The following UGT2B4 variants were observed in gnomAD, a reference collection of about 807,000 sequenced individuals.
The protein encoded by UGT2B4 is UDP glucuronosyltransferase family 2 member B4.
In UGT2B4, 49 loss-of-function variants were observed where a neutral mutation model predicts 49.8. That is an observed-to-expected ratio of 0.98 (90% CI 0.78 to 1.25). UGT2B4 has a LOEUF of 1.25. UGT2B4 is among the 50% of genes most tolerant of loss of function. The probability of loss-of-function intolerance (pLI) is 0.00; values close to 1 mark genes in which losing one functional copy is unlikely to be tolerated. For missense variants in UGT2B4, 729 were observed against 627.7 expected, an observed-to-expected ratio of 1.16 and a Z score of -1.73; for synonymous variants, 246 against 217.7, an observed-to-expected ratio of 1.13 and a Z score of -1.14.
upstream of UGT2B4, among the ~76,000 whole-genome samples, chr4:69,497,658 A>C (rs920688973): frequency 6.6e-6 from 1 of 152,220 alleles, no homozygotes; most frequent in African/African-American, 2.4e-5. Flanking sequence ...CTTCTTATGG[A>C]AGAGAAAAGA....
chr4:69,516,030 T>C lies in UGT2B4; in HGVS notation c.-106+9657A>G, dbSNP rs181797672. On this transcript the variant is annotated intron_variant, in intron 1 of 1. Coordinates refer to the UGT2B4 transcript ENST00000510114. ...CTCCTTCAGGTCCCAGTGTGTGTTG[T>C]TCCTTGTCATATGTCTGTGTCTTCT... Among the ~76,000 whole-genome samples, 386 of 152,292 alleles carry C rather than the reference T, an allele frequency of 2.5e-3. 1 individual carries two copies. Among genetic ancestry groups the C allele is most frequent in the African/African-American group, 8.9e-3 (371 of 41,568 alleles).
At chr4:69,500,593 GCAA>G (rs1468054018), upstream of UGT2B4, among the ~76,000 whole-genome samples, 6 of 126,440 alleles carry the variant, frequency 4.7e-5, no homozygotes, top group African/African-American at 1.7e-4. Context: ...AAGAAAGCAA[GCAA>G]GAAAGCAAGG....
intron 1 of UGT2B4, among the ~76,000 whole-genome samples, chr4:69,509,410 C>T (rs1401509811): frequency 1.3e-5 from 2 of 152,098 alleles, no homozygotes; most frequent in African/African-American, 4.8e-5. Flanking sequence ...AGAACCTCTA[C>T]ATTGCTTCCA....
chr4:69,495,786 C>G lies in UGT2B4; in HGVS notation c.76G>C (p.Val26Leu), dbSNP rs1325749885. The G allele has an allele frequency of 3.7e-6, 6 of 1,613,676 alleles. No individual in the cohort carries two copies. The highest frequency in any genetic ancestry group is 5.1e-6 in the Non-Finnish European group (6 of 1,179,874). The stretch of plus-strand genomic sequence containing the variant: ...CTGAATTCTGTGGGCCACACCAGCA[C>G]CTTTCCACAACTCCCAGAGCTAAAG... ...CYFSSGSCGK[V>L]LVWPTEFSHW... is the part of the protein sequence containing the mutation. Residue 26 changes from valine (V) to leucine (L), a missense_variant, in exon 1 of 6, where the codon GTG becomes CTG. Val to Leu is a conservative substitution (Grantham distance 32, BLOSUM62 1). Transcript: ENST00000305107.
chr4:69,480,581 TA>T lies in UGT2B4; in HGVS notation c.*52del. 6.4e-7 allele frequency: 1 copy of T among 1,563,360 alleles called. No homozygotes were observed. Among genetic ancestry groups the T allele is most frequent in the Non-Finnish European group, 8.7e-7 (1 of 1,154,770 alleles). ...GTATCACAACGTCTTCTTGTTGTAATAAACTAAAGGAGTTCATTTATTGGGT... is the reference window on the plus strand; with the variant it reads ...GTATCACAACGTCTTCTTGTTGTAATAACTAAAGGAGTTCATTTATTGGGT... On this transcript the variant is annotated 3_prime_UTR_variant, in exon 6 of 6. Transcript: ENST00000305107.
Position 69,495,538 on chromosome 4 carries a change from A to T in UGT2B4, c.324T>A (p.Tyr108Ter). The T allele has an allele frequency of 6.2e-7, 1 of 1,613,274 alleles. No individual in the cohort carries two copies. Reference sequence around the variant, plus strand: ...ACATGATTTCTTGTACTTGTGAAAAATATGACCAAAATGTGTCTTTTGGAA... The same window carrying T: ...ACATGATTTCTTGTACTTGTGAAAATTATGACCAAAATGTGTCTTTTGGAA... ...AELPKDTFWS[Y>*]FSQVQEIMWT... The change falls in exon 1 of 6, where the codon TAT (tyrosine) becomes TAA (stop). Residue 108 changes from tyrosine (Y) to a stop codon, truncating the protein, a stop_gained. Transcript: ENST00000305107. LOFTEE classifies it high-confidence loss of function.
At chr4:69,486,514 C>A in intron 4 of UGT2B4, 95 bp downstream of exon 4, 1 of 806,288 alleles carries the variant, frequency 1.2e-6, no homozygotes, top group Non-Finnish European at 1.8e-6. Context: ...TAAGTTTTTC[C>A]ATAACAAATG....
Position 69,495,475 on chromosome 4 carries a change from A to G in UGT2B4, c.387T>C (p.Asp129=), listed in dbSNP as rs923613366. Residue 129 remains aspartate (D), a synonymous_variant, in exon 1 of 6, where the codon GAT becomes GAC. Coordinates refer to ENST00000305107, the MANE Select transcript of UGT2B4 (RefSeq NM_021139.3). ...TCATAAGTTTCTTATTTGAAACTAT[A>G]TCCTTACAGAACTTTCTAAGTATGT... ...FNDILRKFCK[D]IVSNKKLMKK... 9 of 1,612,604 alleles carry G rather than the reference A, an allele frequency of 5.6e-6. No individual in the cohort carries two copies. Among genetic ancestry groups the G allele is most frequent in the African/African-American group, 2.7e-5 (2 of 74,932 alleles).
chr4:69,493,640 G>A, intron 2 of UGT2B4, 53 bp downstream of exon 2: 1 of 1,566,834 alleles, frequency 6.4e-7, no homozygotes, highest in Non-Finnish European at 8.6e-7. Context: ...AATGAATATA[G>A]AACCATTCGT....
In UGT2B4 at chr4:69,493,692, C is replaced by T. The variant is rs774684830; in HGVS notation, c.870+1G>A. 15 of 1,604,152 alleles carry T rather than the reference C, an allele frequency of 9.4e-6. No individual in the cohort carries two copies. The highest frequency in any genetic ancestry group is 3.5e-4 in the Middle Eastern group (2 of 5,768). ...AGACAAAACAAACAGTAATAGTTTACCTTCGGTAGGGGTTTGGCAGGTTTG... is the reference window on the plus strand; with the variant it reads ...AGACAAAACAAACAGTAATAGTTTATCTTCGGTAGGGGTTTGGCAGGTTTG... On this transcript the variant is annotated splice_donor_variant, in intron 2 of 5. Coordinates refer to ENST00000305107, the MANE Select transcript of UGT2B4 (RefSeq NM_021139.3). LOFTEE classifies it high-confidence loss of function.
chr4:69,506,109 G>T (rs563842215), intron 1 of UGT2B4, among the ~76,000 whole-genome samples: 9 of 152,062 alleles, frequency 5.9e-5, no homozygotes, highest in East Asian at 1.9e-4. Flanking sequence ...CTAAATGCCC[G>T]CATTGGAAAG....
intron 1 of UGT2B4, among the ~76,000 whole-genome samples, chr4:69,523,116 T>A (rs1577907782): frequency 2.0e-5 from 3 of 152,324 alleles, no homozygotes; most frequent in South Asian, 2.1e-4. Flanking sequence ...CTCTTCAAAG[T>A]CATTCATAGG....
chr4:69,484,441 CA>C (rs34874998), intron 5 of UGT2B4, among the ~76,000 whole-genome samples: 1 of 151,698 alleles, frequency 6.6e-6, no homozygotes, highest in African/African-American at 2.4e-5. Context: ...TATATTGCTG[CA>C]AAAATAAATG....
chr4:69,515,697 T>C (rs1283590683), intron 1 of UGT2B4, among the ~76,000 whole-genome samples: 1 of 152,086 alleles, frequency 6.6e-6, no homozygotes, highest in East Asian at 1.9e-4. Flanking sequence ...GAAAAATCAC[T>C]TCAAAATTCA....
At chr4:69,493,509 T>C (rs548037106) in intron 2 of UGT2B4, among the ~76,000 whole-genome samples, 184 bp downstream of exon 2, 9 of 152,254 alleles carry the variant, frequency 5.9e-5, no homozygotes, top group African/African-American at 1.9e-4. Flanking sequence ...TCCCTCTTTA[T>C]TGGTAATAAT....
rs1646049951 is a variant in UGT2B4, at chr4:69,502,106, T to TTTCTTTCTTTCTTTC, written c.-105-6155_-105-6141dup. Among the ~76,000 whole-genome samples the TTTCTTTCTTTCTTTC allele has an allele frequency of 1.4e-4, 16 of 114,180 alleles. 1 individual carries two copies. The East Asian group carries it at 4.0e-3, about 28-fold the overall frequency. The allele number at this position is 114,180 out of a possible 152,430, so 74.9% of individuals were successfully genotyped here. On this transcript the variant is annotated intron_variant, in intron 1 of 1. Transcript: ENST00000510114. Reference sequence around the variant, plus strand: ...TTCTTTCTCTCTCTTTCTTTCTTTCTTTCTTTCTTTCTTTCTTTCTTTCTT... The same window carrying TTTCTTTCTTTCTTTC: ...TTCTTTCTCTCTCTTTCTTTCTTTCTTTCTTTCTTTCTTTCTTCTTTCTTTCTTTCTTTCTTTCTT...
chr4:69,524,508 C>G (rs1728927416), intron 1 of UGT2B4, among the ~76,000 whole-genome samples: 1 of 151,886 alleles, frequency 6.6e-6, no homozygotes, highest in South Asian at 2.1e-4. Context: ...CACCCACAAA[C>G]AATTACAATA....
intron 2 of UGT2B4, among the ~76,000 whole-genome samples, chr4:69,493,265 A>C (rs1297489892): frequency 1.3e-5 from 2 of 152,076 alleles, no homozygotes; most frequent in Non-Finnish European, 1.5e-5. Flanking sequence ...CTTCCTTAGC[A>C]TTGGTTTTTC....
chr4:69,484,237 GT>G (rs1207995301), intron 5 of UGT2B4, among the ~76,000 whole-genome samples: 1 of 152,132 alleles, frequency 6.6e-6, no homozygotes, highest in East Asian at 1.9e-4. Context: ...TTGGAAAACA[GT>G]TTGGCAATTT....
Sources: gnomAD v4.1 joint callset for allele counts (sites outside exome capture counted in the v4.1 genomes callset) on GRCh38, gnomAD v4.1.1 for gene constraint, MANE v1.5 for transcripts, NCBI Gene and HGNC (gene_info 2026-07-23, HGNC 2026-07-21) for gene names.